Variants in CDH18 observed in about 807,000 individuals in gnomAD.
CDH18 encodes cadherin-18.
A neutral mutation model predicts 67.9 loss-of-function variants in CDH18; 31 were observed. The ratio of observed to expected loss-of-function variants is 0.46; its 90% CI spans 0.34 to 0.62. CDH18 has a LOEUF of 0.62. CDH18 is among the 20% of genes least tolerant of loss of function. The pLI is 0.01. For missense variants in CDH18, 890 were observed against 975.5 expected (o/e 0.91, Z 1.17); for synonymous variants, 362 against 347.2 (o/e 1.04, Z -0.48).
chr5:19,914,236 T>C (rs981731779), intron 2 of CDH18, among the ~76,000 whole-genome samples: 2 of 152,204 alleles, frequency 1.3e-5, no homozygotes, highest in South Asian at 2.1e-4. Flanking sequence ...TAACCTTTAG[T>C]ATCTTTTACT....
chr5:19,673,178 G>T (rs1242261833), intron 5 of CDH18, among the ~76,000 whole-genome samples: 1 of 151,976 alleles, frequency 6.6e-6, no homozygotes, highest in Non-Finnish European at 1.5e-5. Flanking sequence ...TGTTTTTGTT[G>T]TTGAGAAACT....
intron 1 of CDH18, among the ~76,000 whole-genome samples, chr5:20,350,245 A>G (rs1298860030): frequency 6.6e-6 from 1 of 152,168 alleles, no homozygotes; most frequent in African/African-American, 2.4e-5. Flanking sequence ...CAGGCTTTTC[A>G]ATTTGATATA....
rs528933679 is a variant in CDH18 at position 19,836,899 on chromosome 5, C to A, written c.228+1860G>T. Reference sequence around the variant, plus strand: ...AGAAATACCATTTGACCCAGCAATCCCATTACTGGGTATATACCCAAAGGA... The same window carrying A: ...AGAAATACCATTTGACCCAGCAATCACATTACTGGGTATATACCCAAAGGA... On this transcript the variant is annotated intron_variant, in intron 3 of 12. Coordinates refer to ENST00000382275, the MANE Select transcript of CDH18 (RefSeq NM_004934.5). 3.9e-5 allele frequency among the ~76,000 whole-genome samples: 6 copies of A among 152,022 alleles called. No homozygotes were observed. In the South Asian group the frequency reaches 1.2e-3, roughly 32 times the overall value.
chr5:20,249,286 T>C (rs916010979), intron 2 of CDH18, among the ~76,000 whole-genome samples: 38 of 152,092 alleles, frequency 2.5e-4, no homozygotes, highest in African/African-American at 8.9e-4. Context: ...TGTACTGACA[T>C]TCATTTCTTT....
chr5:19,524,182 T>C (rs1448305131), intron 9 of CDH18, among the ~76,000 whole-genome samples: 1 of 151,614 alleles, frequency 6.6e-6, no homozygotes, highest in Non-Finnish European at 1.5e-5. Flanking sequence ...ATTATATATA[T>C]GTTAAAAAGT....
At chr5:19,504,415 CT>C (rs796588353) in intron 10 of CDH18, among the ~76,000 whole-genome samples, 50 of 148,936 alleles carry the variant, frequency 3.4e-4, no homozygotes, top group South Asian at 6.4e-4. Flanking sequence ...AGCTGAAAAT[CT>C]TTTTTTTTTA....
intron 5 of CDH18, among the ~76,000 whole-genome samples, chr5:19,689,535 T>C (rs983375481): frequency 4.6e-5 from 7 of 151,874 alleles, no homozygotes; most frequent in Admixed American, 3.9e-4. Flanking sequence ...TTTAAGGGTG[T>C]CCTACACCTG....
chr5:20,102,043 C>T (rs1746513667), intron 2 of CDH18, among the ~76,000 whole-genome samples: 1 of 152,134 alleles, frequency 6.6e-6, no homozygotes, highest in Non-Finnish European at 1.5e-5. Context: ...TGTACTCCAG[C>T]CTGGGGGACA....
chr5:20,121,131 T>G (rs1748320372), intron 2 of CDH18, among the ~76,000 whole-genome samples: 1 of 152,186 alleles, frequency 6.6e-6, no homozygotes, highest in African/African-American at 2.4e-5. Context: ...GTTTTATCTG[T>G]GCAAAGCGCA....
At chr5:19,586,649 A>G (rs531676328) in intron 7 of CDH18, among the ~76,000 whole-genome samples, 1 of 152,342 alleles carries the variant, frequency 6.6e-6, no homozygotes, top group African/African-American at 2.4e-5. Context: ...TACTATTGTG[A>G]ATAGTCCTGC....
intron 7 of CDH18, among the ~76,000 whole-genome samples, chr5:19,589,924 A>G (rs1744817323): frequency 1.3e-5 from 2 of 152,114 alleles, no homozygotes; most frequent in Non-Finnish European, 2.9e-5. Context: ...ATTGCTGAAT[A>G]CCAGAAAGGA....
intron 3 of CDH18, among the ~76,000 whole-genome samples, chr5:19,754,734 T>G (rs1368766942): frequency 6.6e-6 from 1 of 152,140 alleles, no homozygotes; most frequent in African/African-American, 2.4e-5. Context: ...CACATGGAAC[T>G]TTCTCCAAGA....
chr5:20,021,958 C>T (rs1738463845), intron 2 of CDH18, among the ~76,000 whole-genome samples: 1 of 152,180 alleles, frequency 6.6e-6, no homozygotes. Flanking sequence ...CAGTTGAGTA[C>T]ATTTTAGCCC....
chr5:20,326,102 T>C (rs922330510), intron 1 of CDH18, among the ~76,000 whole-genome samples: 2 of 152,356 alleles, frequency 1.3e-5, no homozygotes, highest in Non-Finnish European at 1.5e-5. Flanking sequence ...CTCTCAGTGA[T>C]AGCTTTAATA....
At chr5:20,097,149 A>G (rs1430828649) in intron 2 of CDH18, among the ~76,000 whole-genome samples, 1 of 152,084 alleles carries the variant, frequency 6.6e-6, no homozygotes, top group Non-Finnish European at 1.5e-5. Context: ...CATGCATTTT[A>G]TCTTTATTTT....
intron 3 of CDH18, among the ~76,000 whole-genome samples, chr5:19,797,081 ATAAT>A (rs1455341051): frequency 2.0e-5 from 3 of 152,048 alleles, no homozygotes; most frequent in African/African-American, 7.2e-5. Flanking sequence ...TTTAAATAAA[ATAAT>A]TAGAGAAGGC....
intron 1 of CDH18, among the ~76,000 whole-genome samples, chr5:20,267,298 A>C (rs947984522): frequency 6.6e-6 from 1 of 152,026 alleles, no homozygotes; most frequent in African/African-American, 2.4e-5. Context: ...CTATGTGTTT[A>C]TTTTTATATC....
At chr5:20,399,238 T>A (rs185825130) in intron 1 of CDH18, among the ~76,000 whole-genome samples, 50 of 152,320 alleles carry the variant, frequency 3.3e-4, no homozygotes, top group African/African-American at 1.2e-3. Context: ...TTTACTCTTC[T>A]ATCATTGTTT....
intron 3 of CDH18, among the ~76,000 whole-genome samples, chr5:19,805,139 AT>A (rs1777902584): frequency 6.6e-6 from 1 of 151,716 alleles, no homozygotes; most frequent in Admixed American, 6.6e-5. Flanking sequence ...AGGAGATGGG[AT>A]TTTGCCCTGT....
Sources: allele counts gnomAD v4.1 joint callset (sites outside exome capture counted in the v4.1 genomes callset), GRCh38; gene constraint gnomAD v4.1.1; transcripts MANE v1.5; gene names NCBI Gene and HGNC (gene_info 2026-07-23, HGNC 2026-07-21).